The following ABTB2 variants were observed in gnomAD, a reference collection of about 807,000 sequenced individuals.
ABTB2 encodes the protein ankyrin repeat and BTB/POZ domain-containing protein 2.
ABTB2 carries 56 observed loss-of-function variants against 104.1 expected under a neutral mutation model. The observed-to-expected ratio is 0.54, with a 90% CI of 0.43 to 0.67. The LOEUF is 0.67. ABTB2 is among the 30% of genes least tolerant of loss of function. The pLI is 0.00. For synonymous variants in ABTB2, 606 were observed against 608.2 expected (o/e 1.00, Z 0.05); for missense variants, 1,279 against 1,407.7 (o/e 0.91, Z 1.46).
chr11:34,291,369 A>G (rs1854563772), intron 1 of ABTB2, among the ~76,000 whole-genome samples: 1 of 152,250 alleles, frequency 6.6e-6, no homozygotes, highest in African/African-American at 2.4e-5. Context: ...CCCCTCCATC[A>G]GCAGAACACA....
At chr11:34,190,265 G>C (rs1398986204) in intron 3 of ABTB2, among the ~76,000 whole-genome samples, 1 of 72,452 alleles carries the variant, frequency 1.4e-5, no homozygotes. Context: ...CTGCCCCGCT[G>C]CCCCCCCAAA....
chr11:34,338,099 G>A (rs577874964), intron 1 of ABTB2, among the ~76,000 whole-genome samples: 10 of 152,146 alleles, frequency 6.6e-5, no homozygotes, highest in South Asian at 6.2e-4. Context: ...TACAGATGTC[G>A]GCCAGGCACA....
intron 3 of ABTB2, among the ~76,000 whole-genome samples, chr11:34,194,586 C>T (rs1853223478): frequency 8.9e-6 from 1 of 112,880 alleles, no homozygotes; most frequent in African/African-American, 3.5e-5. Context: ...GCCCAGCCTG[C>T]AGTAATGCTG....
chr11:34,232,789 G>A (rs2133058024), intron 1 of ABTB2, among the ~76,000 whole-genome samples: 1 of 151,862 alleles, frequency 6.6e-6, no homozygotes, highest in East Asian at 1.9e-4. Flanking sequence ...GTGGGACTCT[G>A]TCTCTTAAAA....
intron 1 of ABTB2, among the ~76,000 whole-genome samples, chr11:34,249,987 T>A (rs896899538): frequency 6.6e-6 from 1 of 152,130 alleles, no homozygotes; most frequent in Non-Finnish European, 1.5e-5. Context: ...TATAAAAGCA[T>A]CCCTGGGGAT....
chr11:34,282,012 T>C (rs2133087317), intron 1 of ABTB2, among the ~76,000 whole-genome samples: 2 of 152,326 alleles, frequency 1.3e-5, no homozygotes, highest in South Asian at 4.1e-4. Context: ...CAAAATACCA[T>C]AATGTAGGTA....
At chr11:34,190,017 A>G (rs769314631) in intron 3 of ABTB2, among the ~76,000 whole-genome samples, 5 of 152,214 alleles carry the variant, frequency 3.3e-5, no homozygotes, top group Non-Finnish European at 5.9e-5. Flanking sequence ...AGGAAGGTGG[A>G]TCACTTGAGG....
chr11:34,251,906 C>A (rs1480044758), intron 1 of ABTB2, among the ~76,000 whole-genome samples: 1 of 152,158 alleles, frequency 6.6e-6, no homozygotes, highest in African/African-American at 2.4e-5. Flanking sequence ...TTGTTTTCCT[C>A]TTGTGCTCAC....
chr11:34,274,360 T>C (rs2611109), intron 1 of ABTB2, among the ~76,000 whole-genome samples: 13,626 of 151,770 alleles, frequency 0.09, 2,123 homozygotes, highest in African/African-American at 0.31. Context: ...AGAGCCAGGA[T>C]TCAAACCCAG....
chr11:34,281,600 A>G (rs1394270883), intron 1 of ABTB2, among the ~76,000 whole-genome samples: 1 of 152,190 alleles, frequency 6.6e-6, no homozygotes, highest in African/African-American at 2.4e-5. Context: ...CCAGAACCCA[A>G]ATGATTTGTT....
chr11:34,163,549 C>T (rs1835075743), intron 9 of ABTB2, among the ~76,000 whole-genome samples: 1 of 152,176 alleles, frequency 6.6e-6, no homozygotes, highest in South Asian at 2.1e-4. Flanking sequence ...CATTCTGTCA[C>T]CTCCTGTGGC....
intron 1 of ABTB2, among the ~76,000 whole-genome samples, chr11:34,311,402 T>C (rs1564929907): frequency 1.3e-5 from 2 of 152,228 alleles, no homozygotes; most frequent in Admixed American, 6.5e-5. Context: ...TCAGCTGTCC[T>C]CATCATTACC....
chr11:34,344,324 C>A (rs1385835539), intron 1 of ABTB2, among the ~76,000 whole-genome samples: 1 of 152,142 alleles, frequency 6.6e-6, no homozygotes, highest in East Asian at 1.9e-4. Context: ...AATTCAGGGG[C>A]TTTTATGGCC....
chr11:34,275,969 C>G (rs557352733), intron 1 of ABTB2, among the ~76,000 whole-genome samples: 1 of 152,308 alleles, frequency 6.6e-6, no homozygotes, highest in Non-Finnish European at 1.5e-5. Context: ...GGTAGAGAGG[C>G]TCCAATCAAG....
At position 34,252,601 on chromosome 11, in the gene ABTB2, T is replaced by G. The variant is rs1854069854; in HGVS notation, c.884-47911A>C. Among the ~76,000 whole-genome samples the G allele has an allele frequency of 1.3e-5, 2 of 151,722 alleles. No homozygotes were observed. The highest frequency in any genetic ancestry group is 1.3e-4 in the Admixed American group (2 of 15,258). ...CAGGGAGAGAGAATGGGGGGAAGGG[T>G]GGGGCCAGGAGGGGGATTGGGAGAC... On this transcript the variant is annotated intron_variant, in intron 1 of 16. Transcript: ENST00000435224. The surrounding 1 kb of genome is among the most constrained non-coding windows in gnomAD (Gnocchi z 5.5).
chr11:34,287,216 T>C (rs1481510162), intron 1 of ABTB2, among the ~76,000 whole-genome samples: 2 of 149,876 alleles, frequency 1.3e-5, no homozygotes, highest in Non-Finnish European at 3.0e-5. Flanking sequence ...CATAGGACTG[T>C]ACACACACCC....
intron 1 of ABTB2, among the ~76,000 whole-genome samples, chr11:34,226,604 G>A (rs1485412283): frequency 2.6e-5 from 4 of 152,198 alleles, no homozygotes; most frequent in African/African-American, 4.8e-5. Flanking sequence ...GAGAAACTGG[G>A]CTCAGCGTTC....
chr11:34,266,077 GTTAT>G (rs1034228475), intron 1 of ABTB2, among the ~76,000 whole-genome samples: 57 of 151,966 alleles, frequency 3.8e-4, no homozygotes, highest in African/African-American at 1.3e-3. Context: ...ATTCATTTTT[GTTAT>G]TTATTTATCT....
chr11:34,279,480 C>G (rs956453042), intron 1 of ABTB2, among the ~76,000 whole-genome samples: 1 of 152,132 alleles, frequency 6.6e-6, no homozygotes, highest in Admixed American at 6.5e-5. Flanking sequence ...GAAATGAGAC[C>G]AGAGAAGTCA....
Sources: gnomAD v4.1 joint callset for allele counts (sites outside exome capture counted in the v4.1 genomes callset) on GRCh38, gnomAD v4.1.1 for gene constraint, Gnocchi (gnomAD v3.1) non-coding constraint, MANE v1.5 for transcripts, NCBI Gene and HGNC (gene_info 2026-07-23, HGNC 2026-07-21) for gene names.